Variants in PITPNM2 observed in about 807,000 individuals in gnomAD.
The protein encoded by PITPNM2 is membrane-associated phosphatidylinositol transfer protein 2.
Under a neutral mutation model 132.2 loss-of-function variants are expected in PITPNM2, and 35 were observed. The ratio of observed to expected loss-of-function variants is 0.26; its 90% CI spans 0.20 to 0.35. PITPNM2 has a LOEUF of 0.35. Among genes scored for constraint, PITPNM2 ranks in the 10% least tolerant of loss-of-function variants. PITPNM2 has a pLI of 1.00. For synonymous variants in PITPNM2, 738 were observed against 799.2 expected (o/e 0.92, Z 1.29); for missense variants, 1,332 against 1,912.0 (o/e 0.70, Z 5.66).
At chr12:123,114,534 C>T (rs1233537833) in intron 1 of PITPNM2, among the ~76,000 whole-genome samples, 1 of 150,704 alleles carries the variant, frequency 6.6e-6, no homozygotes, top group African/African-American at 2.4e-5. Context: ...AGTCCAAGTG[C>T]CATTTCTCCC....
intron 2 of PITPNM2, among the ~76,000 whole-genome samples, chr12:123,043,071 T>C (rs2040547837): frequency 6.6e-6 from 1 of 151,992 alleles, no homozygotes; most frequent in Non-Finnish European, 1.5e-5. Flanking sequence ...GTTCCACCTT[T>C]ATGTGTTAGA....
At chr12:123,127,165 C>G (rs2043156075) in intron 1 of PITPNM2, among the ~76,000 whole-genome samples, 1 of 152,176 alleles carries the variant, frequency 6.6e-6, no homozygotes, top group African/African-American at 2.4e-5. Flanking sequence ...CTTAATGGTG[C>G]ACAAATGTGT....
At chr12:123,040,973 A>G (rs1210868429) in intron 2 of PITPNM2, among the ~76,000 whole-genome samples, 1 of 152,146 alleles carries the variant, frequency 6.6e-6, no homozygotes, top group Non-Finnish European at 1.5e-5. Flanking sequence ...TTTTACCTGC[A>G]CTTTATTACC....
chr12:123,085,848 T>G (rs1468254143), intron 2 of PITPNM2, among the ~76,000 whole-genome samples: 1 of 152,196 alleles, frequency 6.6e-6, no homozygotes, highest in Non-Finnish European at 1.5e-5. Flanking sequence ...AGGGCCTGTC[T>G]TGTCATGTAT....
intron 1 of PITPNM2, among the ~76,000 whole-genome samples, chr12:123,130,562 C>T (rs950231757): frequency 4.6e-5 from 7 of 152,110 alleles, no homozygotes; most frequent in South Asian, 2.1e-4. Flanking sequence ...GGGCGGATCA[C>T]GAGGTCAGGA....
At chr12:123,051,240 T>C (rs568080393) in intron 2 of PITPNM2, among the ~76,000 whole-genome samples, 4 of 152,316 alleles carry the variant, frequency 2.6e-5, no homozygotes, top group African/African-American at 9.6e-5. Context: ...ATCTATTTCG[T>C]GAGCCACTTG....
At chr12:123,055,522 G>C (rs1023123713) in intron 2 of PITPNM2, among the ~76,000 whole-genome samples, 13 of 152,326 alleles carry the variant, frequency 8.5e-5, no homozygotes, top group African/African-American at 3.1e-4. Context: ...TACAATACTT[G>C]GAACTAAAAT....
rs1291108901 is a variant in PITPNM2 at position 123,022,448 on chromosome 12, A to G, written c.79-8406T>C. Reference sequence around the variant, plus strand: ...GCTCAACTGTCATTATCAGGAGCCAATGCAGGCAGGGAGAGAGGGCTTCCT... The same window carrying G: ...GCTCAACTGTCATTATCAGGAGCCAGTGCAGGCAGGGAGAGAGGGCTTCCT... On this transcript the variant is annotated intron_variant, in intron 3 of 25. Coordinates refer to ENST00000320201, the MANE Select transcript of PITPNM2 (RefSeq NM_020845.3). The surrounding 1 kb of genome is among the most constrained non-coding windows in gnomAD (Gnocchi z 4.9). Among the ~76,000 whole-genome samples, 3 of 152,166 alleles carry G rather than the reference A, an allele frequency of 2.0e-5. No homozygotes were observed. The highest frequency in any genetic ancestry group is 4.4e-5 in the Non-Finnish European group (3 of 68,028).
intron 2 of PITPNM2, among the ~76,000 whole-genome samples, chr12:123,052,897 T>C (rs2040909733): frequency 6.6e-6 from 1 of 151,756 alleles, no homozygotes. Context: ...TTTATTTTTA[T>C]ATTATTTATT....
chr12:123,085,334 T>C (rs1343803371), intron 2 of PITPNM2, among the ~76,000 whole-genome samples: 1 of 152,152 alleles, frequency 6.6e-6, no homozygotes, highest in Non-Finnish European at 1.5e-5. Flanking sequence ...AGTGCTGACA[T>C]CCCCTTTGCT....
chr12:123,016,182 T>C (rs1484047073), intron 3 of PITPNM2, among the ~76,000 whole-genome samples: 1 of 151,794 alleles, frequency 6.6e-6, no homozygotes, highest in East Asian at 2.0e-4. Context: ...AAAAAGTAGC[T>C]GGGCGTGGTG....
rs2041334387 is a variant in PITPNM2 at position 123,064,048 on chromosome 12, G to A, written c.-95-29363C>T. ...ATGGTGATGGTGATGGTGATGCTGG[G>A]GATCAGCCCTGCTAAAGAACTGTGT... On this transcript the variant is annotated intron_variant, in intron 2 of 25. Transcript: ENST00000320201. The surrounding 1 kb of genome is among the most constrained non-coding windows in gnomAD (Gnocchi z 4.0). Among the ~76,000 whole-genome samples the A allele has an allele frequency of 1.3e-5, 2 of 152,124 alleles. No homozygotes were observed. The highest frequency in any genetic ancestry group is 6.5e-5 in the Admixed American group (1 of 15,278).
At chr12:123,139,568 C>T (rs1274602841) in intron 1 of PITPNM2, among the ~76,000 whole-genome samples, 1 of 152,124 alleles carries the variant, frequency 6.6e-6, no homozygotes, top group Non-Finnish European at 1.5e-5. Context: ...CAAAGCCTCA[C>T]CTGGTGCCTC....
chr12:123,067,703 C>A (rs2041472902), intron 2 of PITPNM2, among the ~76,000 whole-genome samples: 1 of 152,202 alleles, frequency 6.6e-6, no homozygotes, highest in African/African-American at 2.4e-5. Context: ...GCCTCCAGAA[C>A]TGTGAGAGAA....
intron 1 of PITPNM2, among the ~76,000 whole-genome samples, chr12:123,139,788 C>T (rs1217864343): frequency 6.7e-6 from 1 of 148,738 alleles, no homozygotes; most frequent in Non-Finnish European, 1.5e-5. Flanking sequence ...GAGGCCCAGC[C>T]CTGAGACCTC....
In PITPNM2 at chr12:123,053,920, A is replaced by G. The variant is rs145778927; in HGVS notation, c.-95-19235T>C. Among the ~76,000 whole-genome samples the G allele has an allele frequency of 8.6e-4, 131 of 152,186 alleles. 1 individual carries two copies. The highest frequency in any genetic ancestry group is 3.4e-3 in the Middle Eastern group (1 of 294). On this transcript the variant is annotated intron_variant, in intron 2 of 25. Transcript: ENST00000320201. ...GATACACTCTATAGACTTCAGTCAG[A>G]TTTGCCAGTTTTACTTGTATTTATT...
chr12:122,988,377 T>C, intron 19 of PITPNM2, 27 bp from the exon 20 acceptor site: 1 of 1,594,608 alleles, frequency 6.3e-7, no homozygotes, highest in Non-Finnish European at 8.6e-7. Flanking sequence ...GTGCAGGCTG[T>C]GGGGCAGATG....
At chr12:123,120,919 A>T (rs1312760368) in intron 1 of PITPNM2, among the ~76,000 whole-genome samples, 5 of 152,256 alleles carry the variant, frequency 3.3e-5, no homozygotes, top group Non-Finnish European at 5.9e-5. Flanking sequence ...TGGGTGCTTC[A>T]CTTGAACCAG....
At chr12:123,121,137 G>A (rs934556181) in intron 1 of PITPNM2, among the ~76,000 whole-genome samples, 2 of 152,246 alleles carry the variant, frequency 1.3e-5, no homozygotes, top group African/African-American at 2.4e-5. Context: ...CCAGTGAGCA[G>A]GTCAGCGCCA....
Sources: allele counts gnomAD v4.1 joint callset (sites outside exome capture counted in the v4.1 genomes callset), GRCh38; gene constraint gnomAD v4.1.1; non-coding constraint Gnocchi (gnomAD v3.1); transcripts MANE v1.5; gene names NCBI Gene and HGNC (gene_info 2026-07-23, HGNC 2026-07-21).